Variants in TSPAN9 observed in about 807,000 individuals in gnomAD.
The protein encoded by TSPAN9 is tetraspanin 9, also known as tetraspanin-9.
In TSPAN9, 16 loss-of-function variants were observed where a neutral mutation model predicts 31.0. The observed-to-expected ratio is 0.52, with a 90% confidence interval of 0.35 to 0.78. The LOEUF (loss-of-function observed/expected upper bound fraction) is 0.78. TSPAN9 is among the 30% of genes least tolerant of loss of function. The probability of loss-of-function intolerance (pLI) is 0.01; values close to 1 mark genes in which losing one functional copy is unlikely to be tolerated. For missense variants in TSPAN9, 272 were observed against 312.5 expected (o/e 0.87, Z 0.98); for synonymous variants, 145 against 121.6 (o/e 1.19, Z -1.27).
intron 3 of TSPAN9, among the ~76,000 whole-genome samples, chr12:3,207,780 G>T (rs921988910): frequency 1.3e-4 from 19 of 149,108 alleles, no homozygotes; most frequent in Middle Eastern, 3.2e-3. Context: ...AGTGGCTGGT[G>T]GGGGGTGGGT....
At chr12:3,245,781 T>TA (rs1464210566) in intron 3 of TSPAN9, among the ~76,000 whole-genome samples, 1 of 152,150 alleles carries the variant, frequency 6.6e-6, no homozygotes, top group Non-Finnish European at 1.5e-5. Flanking sequence ...TGCTGTATCT[T>TA]ATCTGCATTT....
intron 2 of TSPAN9, among the ~76,000 whole-genome samples, chr12:3,153,575 A>G (rs541204169): frequency 3.3e-4 from 51 of 152,344 alleles, no homozygotes; most frequent in South Asian, 1.2e-3. Flanking sequence ...AAGTGGTTAC[A>G]TAGGAAATGT....
At chr12:3,175,174 G>C (rs2098354833) in intron 2 of TSPAN9, among the ~76,000 whole-genome samples, 1 of 152,218 alleles carries the variant, frequency 6.6e-6, no homozygotes, top group Admixed American at 6.5e-5. Context: ...AGCAGGGGCA[G>C]CATCTCACCT....
intron 2 of TSPAN9, among the ~76,000 whole-genome samples, chr12:3,159,741 T>G (rs59270978): frequency 0.029 from 4,345 of 152,074 alleles, 218 homozygotes; most frequent in African/African-American, 0.099. Context: ...GATATTAAGA[T>G]AGAAACAAAC....
intron 2 of TSPAN9, among the ~76,000 whole-genome samples, chr12:3,101,936 C>T (rs1167162316): frequency 1.3e-5 from 2 of 152,140 alleles, no homozygotes; most frequent in African/African-American, 4.8e-5. Context: ...TTCATCCGCT[C>T]CTTTCTCTGG....
At chr12:3,205,602 A>G (rs533137241) in intron 3 of TSPAN9, among the ~76,000 whole-genome samples, 1 of 152,252 alleles carries the variant, frequency 6.6e-6, no homozygotes, top group African/African-American at 2.4e-5. Context: ...GTCTGAAAAC[A>G]GGAGTAGTGA....
chr12:3,155,166 TG>T, intron 2 of TSPAN9, among the ~76,000 whole-genome samples: 1 of 152,304 alleles, frequency 6.6e-6, no homozygotes, highest in East Asian at 1.9e-4. Flanking sequence ...GGATTTGGTC[TG>T]GGGGTACCAG....
Position 3,243,953 on chromosome 12 carries a change from C to T in TSPAN9, c.64-34468C>T, listed in dbSNP as rs547585413. Reference sequence around the variant, plus strand: ...CCCTTTAGTTCTGCATTCCTGGGAACCAGGGCTTACCCGCAGGGTCTTGGC... The same window carrying T: ...CCCTTTAGTTCTGCATTCCTGGGAATCAGGGCTTACCCGCAGGGTCTTGGC... On this transcript the variant is annotated intron_variant, in intron 3 of 8. Coordinates refer to ENST00000011898, the MANE Select transcript of TSPAN9 (RefSeq NM_006675.5). Among the ~76,000 whole-genome samples, 17 of 152,344 alleles carry T rather than the reference C, an allele frequency of 1.1e-4. No homozygotes were observed. In the South Asian group the frequency reaches 1.7e-3, roughly 15 times the overall value.
rs766561122 is a variant in TSPAN9, at chr12:3,278,533, C to T, written c.176C>T (p.Ala59Val). ...TTGTCTGCAGCCAACCTGGTCATTG[C>T]CATAGGCACCATTGTCATGGTGACG... is the stretch of plus-strand genomic sequence containing the variant. ...PSLSAANLVI[A>V]IGTIVMVTGF... The change falls in exon 4 of 9, where the codon GCC becomes GTC. Residue 59 changes from alanine to valine, a missense_variant. Physicochemically the swap from Ala to Val is moderately conservative, Grantham distance 64. Coordinates refer to ENST00000011898, the MANE Select transcript of TSPAN9 (RefSeq NM_006675.5). The T allele has an allele frequency of 5.6e-6, 9 of 1,614,218 alleles. No homozygotes were observed. The highest frequency in any genetic ancestry group is 7.6e-6 in the Non-Finnish European group (9 of 1,180,034).
At chr12:3,231,639 G>T (rs2153976135) in intron 3 of TSPAN9, among the ~76,000 whole-genome samples, 1 of 152,352 alleles carries the variant, frequency 6.6e-6, no homozygotes, top group African/African-American at 2.4e-5. Context: ...ACATGGAATT[G>T]GCCAGTCCCC....
chr12:3,206,867 C>G (rs1305595981), intron 3 of TSPAN9, among the ~76,000 whole-genome samples: 2 of 152,138 alleles, frequency 1.3e-5, no homozygotes, highest in African/African-American at 4.8e-5. Flanking sequence ...GCAAGTGACA[C>G]CTGGGTTTTG....
chr12:3,270,736 G>A (rs3782768), intron 3 of TSPAN9, among the ~76,000 whole-genome samples: 7,927 of 152,346 alleles, frequency 0.052, 321 homozygotes, highest in African/African-American at 0.11. Flanking sequence ...GAGGGGGGTA[G>A]GGGCTGTCCC....
At chr12:3,188,683 C>T (rs916391123) in intron 2 of TSPAN9, among the ~76,000 whole-genome samples, 2 of 152,138 alleles carry the variant, frequency 1.3e-5, no homozygotes, top group Non-Finnish European at 2.9e-5. Flanking sequence ...ACACATTGGG[C>T]CTCACGGAGC....
rs763243735 is a variant in TSPAN9 at position 3,147,955 on chromosome 12, G to A, written c.-17-53222G>A. Among the ~76,000 whole-genome samples, 1 of 152,168 alleles carries A rather than the reference G, an allele frequency of 6.6e-6. No homozygotes were observed. Among genetic ancestry groups the A allele is most frequent in the African/African-American group, 2.4e-5 (1 of 41,432 alleles). ...GCAGATAAAGGATGGGCTCCTGCAA[G>A]TCTAATCTGGGTACATTTGGAGATT... On this transcript the variant is annotated intron_variant, in intron 2 of 8. Coordinates refer to ENST00000011898, the MANE Select transcript of TSPAN9 (RefSeq NM_006675.5). The surrounding 1 kb of genome is among the most constrained non-coding windows in gnomAD (Gnocchi z 4.3).
chr12:3,276,579 T>G (rs1466472361), intron 3 of TSPAN9, among the ~76,000 whole-genome samples: 8 of 152,220 alleles, frequency 5.3e-5, no homozygotes, highest in Non-Finnish European at 7.3e-5. Flanking sequence ...GGGTTTTTGC[T>G]TAAACACCAC....
At chr12:3,228,151 C>A (rs1317870606) in intron 3 of TSPAN9, among the ~76,000 whole-genome samples, 1 of 152,080 alleles carries the variant, frequency 6.6e-6, no homozygotes, top group East Asian at 1.9e-4. Flanking sequence ...GAGTTTGAGA[C>A]CAGCCTGGGC....
chr12:3,184,860 C>T (rs2153971552), intron 2 of TSPAN9, among the ~76,000 whole-genome samples: 1 of 152,322 alleles, frequency 6.6e-6, no homozygotes, highest in African/African-American at 2.4e-5. Flanking sequence ...CTCTGTGTTG[C>T]ACACCTTCAG....
At chr12:3,082,048 T>C (rs2098298211) in intron 1 of TSPAN9, among the ~76,000 whole-genome samples, 1 of 151,956 alleles carries the variant, frequency 6.6e-6, no homozygotes, top group Non-Finnish European at 1.5e-5. Context: ...ATAAAAAAGA[T>C]AAACGTCCTT....
rs939981352 is a variant in TSPAN9 at position 3,121,340 on chromosome 12, AG to A, written c.-18+37625del. ...ACATACTGGAGAGATTTTTCAAAAC[AG>A]GGGATGTTGGCTTTTTTTTTTTTTT... is the stretch of plus-strand genomic sequence containing the variant. On this transcript the variant is annotated intron_variant, in intron 2 of 8. Coordinates refer to ENST00000011898, the MANE Select transcript of TSPAN9 (RefSeq NM_006675.5). Among the ~76,000 whole-genome samples the A allele has an allele frequency of 1.0e-4, 2 of 19,408 alleles. 1 individual carries two copies. The highest frequency in any genetic ancestry group is 1.8e-3 in the Admixed American group (2 of 1,122). 12.7% of individuals were successfully genotyped at this position (19,408 alleles called of 152,430 possible). A position where few individuals can be genotyped will look rare whatever the true frequency, so the allele number is the denominator to read the frequency against.
Sources: gnomAD v4.1 joint callset for allele counts (sites outside exome capture counted in the v4.1 genomes callset) on GRCh38, gnomAD v4.1.1 for gene constraint, Gnocchi (gnomAD v3.1) non-coding constraint, MANE v1.5 for transcripts, NCBI Gene and HGNC (gene_info 2026-07-23, HGNC 2026-07-21) for gene names.